Variants in C2CD4B observed in about 807,000 individuals in gnomAD.
C2CD4B encodes the protein C2 calcium-dependent domain-containing protein 4B.
For synonymous variants in C2CD4B, 347 were observed against 284.9 expected, an observed-to-expected ratio of 1.22 and a Z score of -2.20; for missense variants, 644 against 577.7, an observed-to-expected ratio of 1.11 and a Z score of -1.18.
chr15:62,164,443 T>TCGGGGACGCGCAGGAGGCGGCAGCGG lies in C2CD4B; in HGVS notation c.516_541dup (p.Asp181AlafsTer13). On this transcript the variant is annotated frameshift_variant, in exon 2 of 2. Coordinates refer to ENST00000380392, the MANE Select transcript of C2CD4B (RefSeq NM_001007595.3). LOFTEE classifies it low-confidence loss of function (END_TRUNC). Reference sequence around the variant, plus strand: ...CCGCAGCGCGCGACTCAGCAGCCCGTCGGGGACGCGCAGGAGGCGGCAGCG... The same window carrying TCGGGGACGCGCAGGAGGCGGCAGCGG: ...CCGCAGCGCGCGACTCAGCAGCCCGTCGGGGACGCGCAGGAGGCGGCAGCGGCGGGGACGCGCAGGAGGCGGCAGCG... 1 of 1,324,140 alleles carries TCGGGGACGCGCAGGAGGCGGCAGCGG rather than the reference T, an allele frequency of 7.6e-7. No individual in the cohort carries two copies. Among genetic ancestry groups the TCGGGGACGCGCAGGAGGCGGCAGCGG allele is most frequent in the Non-Finnish European group, 9.6e-7 (1 of 1,043,378 alleles). 82.0% of individuals were successfully genotyped at this position (1,324,140 alleles called of 1,614,324 possible).
In C2CD4B at chr15:62,163,960, C is replaced by T. The variant is rs2049579076; in HGVS notation, c.1025G>A (p.Gly342Asp). 1.3e-6 allele frequency: 2 copies of T among 1,588,514 alleles called. No individual in the cohort carries two copies. The highest frequency in any genetic ancestry group is 3.5e-5 in the Admixed American group (2 of 57,812). Residue 342 changes from glycine to aspartate, a missense_variant, in exon 2 of 2, where the codon GGT becomes GAT. By Grantham distance (94) the Gly-to-Asp change is moderately conservative. Transcript: ENST00000380392. ...LAVRVKARDE[G>D]RGRDRGRLLG... Reference sequence around the variant, plus strand: ...CAGGCGGCCCCGATCCCGGCCGCGACCCTCATCCCGGGCCTTGACGCGAAC... The same window carrying T: ...CAGGCGGCCCCGATCCCGGCCGCGATCCTCATCCCGGGCCTTGACGCGAAC...
chr15:62,164,525 G>T lies in C2CD4B; in HGVS notation c.460C>A (p.Pro154Thr), dbSNP rs1596582507. 1.7e-6 allele frequency: 2 copies of T among 1,153,650 alleles called. No homozygotes were observed. The highest frequency in any genetic ancestry group is 4.2e-5 in the South Asian group (1 of 23,704). The allele number at this position is 1,153,650 out of a possible 1,614,324, so 71.5% of individuals were successfully genotyped here. Reference sequence around the variant, plus strand: ...AGGCGGGGACCGCCGGGGGCCGCGGGGGTGGCCGGGCCCGGACCTCGCGGG... The same window carrying T: ...AGGCGGGGACCGCCGGGGGCCGCGGTGGTGGCCGGGCCCGGACCTCGCGGG... ...CGPRGPGPAT[P>T]AAPGGPRLPQ... The change falls in exon 2 of 2, where the codon CCC becomes ACC. Residue 154 changes from proline to threonine, a missense_variant. By Grantham distance (38) the Pro-to-Thr change is conservative. Coordinates refer to ENST00000380392, the MANE Select transcript of C2CD4B (RefSeq NM_001007595.3).
chr15:62,163,770 G>A lies in C2CD4B; in HGVS notation c.*120C>T, dbSNP rs181627633. 4.6e-4 allele frequency: 576 copies of A among 1,258,908 alleles called. 2 individuals are homozygous for A. The highest frequency in any genetic ancestry group is 4.4e-3 in the African/African-American group (279 of 63,778). The allele number at this position is 1,258,908 out of a possible 1,614,324, so 78.0% of individuals were successfully genotyped here. On this transcript the variant is annotated 3_prime_UTR_variant, in exon 2 of 2. Transcript: ENST00000380392. ...GACGATGACAAATGTGGATGGTGAGGAAGTAAAACGTCAATAAAGCAGTAT... is the reference window on the plus strand; with the variant it reads ...GACGATGACAAATGTGGATGGTGAGAAAGTAAAACGTCAATAAAGCAGTAT...
chr15:62,164,115 G>T lies in C2CD4B; in HGVS notation c.870C>A (p.Ser290Arg). Residue 290 changes from serine (S) to arginine (R), a missense_variant, in exon 2 of 2, where the codon AGC (serine) becomes AGA (arginine). Coordinates refer to ENST00000380392, the MANE Select transcript of C2CD4B (RefSeq NM_001007595.3). ...PGPRAVRCRL[S>R]LVLRPPGTAR... ...CAGTGCCCGGCGGCCGCAGGACGAG[G>T]CTGAGGCGGCAGCGGACGGCGCGGG... The T allele has an allele frequency of 6.7e-7, 1 of 1,488,942 alleles. No homozygotes were observed. Among genetic ancestry groups the T allele is most frequent in the Non-Finnish European group, 8.9e-7 (1 of 1,127,376 alleles). 92.2% of individuals were successfully genotyped at this position (1,488,942 alleles called of 1,614,324 possible). A position where few individuals can be genotyped will look rare whatever the true frequency, so the allele number is the denominator to read the frequency against.
In C2CD4B at chr15:62,164,949, T is replaced by A; in HGVS notation, c.36A>T (p.Ala12=). Residue 12 remains alanine (A), a synonymous_variant, in exon 2 of 2, where the codon GCA becomes GCT. Coordinates refer to ENST00000380392, the MANE Select transcript of C2CD4B (RefSeq NM_001007595.3). ...RLLEKLCSSA[A]GSSAPKPAFA... ...AGGCGGGCTTCGGCGCGGAGCTGCC[T>A]GCGGCCGAGGAACAGAGTTTCTCGA... is the stretch of plus-strand genomic sequence containing the variant. The A allele has an allele frequency of 1.3e-6, 2 of 1,530,280 alleles. No homozygotes were observed. The highest frequency in any genetic ancestry group is 1.8e-6 in the Non-Finnish European group (2 of 1,140,520). The allele number at this position is 1,530,280 out of a possible 1,614,324, so 94.8% of individuals were successfully genotyped here. A position where few individuals can be genotyped will look rare whatever the true frequency, so the allele number is the denominator to read the frequency against.
rs1186153898 is a variant in C2CD4B, at chr15:62,164,513, C to T, written c.472G>A (p.Gly158Ser). ...GCGTCCTGGGGCAGGCGGGGACCGC[C>T]GGGGGCCGCGGGGGTGGCCGGGCCC... ...GPGPATPAAP[G>S]GPRLPQDALA... is the part of the protein sequence containing the mutation. Residue 158 changes from glycine (G) to serine (S), a missense_variant, in exon 2 of 2, where the codon GGC (glycine) becomes AGC (serine). By Grantham distance (56) the Gly-to-Ser change is moderately conservative. Coordinates refer to ENST00000380392, the MANE Select transcript of C2CD4B (RefSeq NM_001007595.3). 8.5e-7 allele frequency: 1 copy of T among 1,172,008 alleles called. No individual in the cohort carries two copies. The highest frequency in any genetic ancestry group is 4.2e-5 in the South Asian group (1 of 23,890). 72.6% of individuals were successfully genotyped at this position (1,172,008 alleles called of 1,614,324 possible). A position where few individuals can be genotyped will look rare whatever the true frequency, so the allele number is the denominator to read the frequency against.
At position 62,163,745 on chromosome 15, in the gene C2CD4B, G is replaced by A. The variant is rs2140882856; in HGVS notation, c.*145C>T. On this transcript the variant is annotated 3_prime_UTR_variant, in exon 2 of 2. Transcript: ENST00000380392. ...ATTATCTTTTTCTTCTTTACCAATA[G>A]ACGATGACAAATGTGGATGGTGAGG... 1 of 1,153,318 alleles carries A rather than the reference G, an allele frequency of 8.7e-7. No individual in the cohort carries two copies. Among genetic ancestry groups the A allele is most frequent in the Non-Finnish European group, 1.1e-6 (1 of 881,138 alleles). The allele number at this position is 1,153,318 out of a possible 1,614,324, so 71.4% of individuals were successfully genotyped here.
At position 62,164,191 on chromosome 15, in the gene C2CD4B, A is replaced by G; in HGVS notation, c.794T>C (p.Leu265Pro). The change falls in exon 2 of 2, where the codon CTC (leucine) becomes CCC (proline). Residue 265 changes from leucine to proline, a missense_variant. By Grantham distance (98) the Leu-to-Pro change is moderately conservative (BLOSUM62 -3). Transcript: ENST00000380392. ...AAEYCPGTRR[L>P]RLRLLRAESL... Reference sequence around the variant, plus strand: ...CTCCGCGCGGAGCAGCCGGAGGCGGAGACGCCGGGTTCCCGGACAGTACTC... The same window carrying G: ...CTCCGCGCGGAGCAGCCGGAGGCGGGGACGCCGGGTTCCCGGACAGTACTC... 2.0e-6 allele frequency: 3 copies of G among 1,476,558 alleles called. No homozygotes were observed. The highest frequency in any genetic ancestry group is 2.7e-6 in the Non-Finnish European group (3 of 1,122,656). The allele number at this position is 1,476,558 out of a possible 1,614,324, so 91.5% of individuals were successfully genotyped here. A position where few individuals can be genotyped will look rare whatever the true frequency, so the allele number is the denominator to read the frequency against.
chr15:62,163,980 G>C lies in C2CD4B; in HGVS notation c.1005C>G (p.Arg335=), dbSNP rs1133662. ...CGCGACCCTCATCCCGGGCCTTGAC[G>C]CGAACGGCCAGGCGGCGCACCTCGT... ...SEDEVRRLAV[R]VKARDEGRGR... The change falls in exon 2 of 2, where the codon CGC becomes CGG. Residue 335 remains arginine, a synonymous_variant. Transcript: ENST00000380392. 4 of 1,598,472 alleles carry C rather than the reference G, an allele frequency of 2.5e-6. No homozygotes were observed. The South Asian group carries it at 3.4e-5, about 14-fold the overall frequency.
In C2CD4B at chr15:62,164,527, G is replaced by T; in HGVS notation, c.458C>A (p.Thr153Asn). 8.7e-7 allele frequency: 1 copy of T among 1,153,138 alleles called. No individual in the cohort carries two copies. The highest frequency in any genetic ancestry group is 4.3e-5 in the East Asian group (1 of 23,410). 71.4% of individuals were successfully genotyped at this position (1,153,138 alleles called of 1,614,324 possible). A position where few individuals can be genotyped will look rare whatever the true frequency, so the allele number is the denominator to read the frequency against. Residue 153 changes from threonine to asparagine, a missense_variant, in exon 2 of 2, where the codon ACC becomes AAC. Coordinates refer to ENST00000380392, the MANE Select transcript of C2CD4B (RefSeq NM_001007595.3). ...LCGPRGPGPA[T>N]PAAPGGPRLP... Reference sequence around the variant, plus strand: ...GCGGGGACCGCCGGGGGCCGCGGGGGTGGCCGGGCCCGGACCTCGCGGGCC... The same window carrying T: ...GCGGGGACCGCCGGGGGCCGCGGGGTTGGCCGGGCCCGGACCTCGCGGGCC...
Position 62,163,701 on chromosome 15 carries a change from G to A in C2CD4B, c.*189C>T, listed in dbSNP as rs2049575110. 6 of 830,762 alleles carry A rather than the reference G, an allele frequency of 7.2e-6. No homozygotes were observed. The highest frequency in any genetic ancestry group is 4.0e-4 in the Middle Eastern group (1 of 2,484). The allele number at this position is 830,762 out of a possible 1,614,324, so 51.5% of individuals were successfully genotyped here. On this transcript the variant is annotated 3_prime_UTR_variant, in exon 2 of 2. Transcript: ENST00000380392. Reference sequence around the variant, plus strand: ...GTCTGGAAAGAGATATGGGGGTCCTGTGAACAGAACAGGGAGTCATTATCT... The same window carrying A: ...GTCTGGAAAGAGATATGGGGGTCCTATGAACAGAACAGGGAGTCATTATCT...
At position 62,164,400 on chromosome 15, in the gene C2CD4B, G is replaced by A. The variant is rs2049587845; in HGVS notation, c.585C>T (p.Arg195=). 4.9e-6 allele frequency: 7 copies of A among 1,418,424 alleles called. No homozygotes were observed. The highest frequency in any genetic ancestry group is 2.5e-4 in the Middle Eastern group (1 of 4,024). 87.9% of individuals were successfully genotyped at this position (1,418,424 alleles called of 1,614,324 possible). A position where few individuals can be genotyped will look rare whatever the true frequency, so the allele number is the denominator to read the frequency against. The part of the protein sequence containing the change: ...SRALRAGRSR[R]LARVRSVSSG... ...TGGAGACGGAGCGGACGCGGGCCAG[G>A]CGGCGACTCCTTCCAGCCCGCAGCG... Residue 195 remains arginine, a synonymous_variant, in exon 2 of 2, where the codon CGC becomes CGT. Coordinates refer to ENST00000380392, the MANE Select transcript of C2CD4B (RefSeq NM_001007595.3).
rs749906175 is a variant in C2CD4B, at chr15:62,164,632, C to A, written c.353G>T (p.Gly118Val). ...CCGGGGCCGGGGCGCGGGCGGGCCC[C>A]CGAGCAGGAGCGACTCCTTGCGGCG... ...HTRRKESLLL[G>V]GPPAPRPRAH... The change falls in exon 2 of 2, where the codon GGG (glycine) becomes GTG (valine). Residue 118 changes from glycine to valine, a missense_variant. Coordinates refer to ENST00000380392, the MANE Select transcript of C2CD4B (RefSeq NM_001007595.3). The A allele has an allele frequency of 7.4e-7, 1 of 1,345,204 alleles. No homozygotes were observed. Among genetic ancestry groups the A allele is most frequent in the Non-Finnish European group, 9.5e-7 (1 of 1,050,218 alleles). 83.3% of individuals were successfully genotyped at this position (1,345,204 alleles called of 1,614,324 possible).
At position 62,164,237 on chromosome 15, in the gene C2CD4B, C is replaced by A. The variant is rs767253322; in HGVS notation, c.748G>T (p.Asp250Tyr). The A allele has an allele frequency of 2.1e-6, 3 of 1,456,942 alleles. No homozygotes were observed. In the African/African-American group the frequency reaches 4.4e-5, roughly 22 times the overall value. The allele number at this position is 1,456,942 out of a possible 1,614,324, so 90.3% of individuals were successfully genotyped here. A position where few individuals can be genotyped will look rare whatever the true frequency, so the allele number is the denominator to read the frequency against. The stretch of plus-strand genomic sequence containing the variant: ...TACTCAGCAGCCAGGCGCAGGGCGT[C>A]GCCGGCGCGGCCCAGAGCCACGGTG... ...KGTVALGRAGDALRLAAEYCP... is the reference protein window; with the variant it reads ...KGTVALGRAGYALRLAAEYCP... Residue 250 changes from aspartate to tyrosine, a missense_variant, in exon 2 of 2, where the codon GAC becomes TAC. Physicochemically the swap from Asp to Tyr is radical, Grantham distance 160. Transcript: ENST00000380392.
Position 62,164,138 on chromosome 15 carries a change from G to A in C2CD4B, c.847C>T (p.Arg283Cys), listed in dbSNP as rs1333290619. 6.9e-7 allele frequency: 1 copy of A among 1,452,734 alleles called. No homozygotes were observed. Among genetic ancestry groups the A allele is most frequent in the Non-Finnish European group, 9.0e-7 (1 of 1,113,364 alleles). The allele number at this position is 1,452,734 out of a possible 1,614,324, so 90.0% of individuals were successfully genotyped here. A position where few individuals can be genotyped will look rare whatever the true frequency, so the allele number is the denominator to read the frequency against. ...ESLFGGAPGP[R>C]AVRCRLSLVL... ...AGGCTGAGGCGGCAGCGGACGGCGC[G>A]GGGCCCGGGGGCGCCTCCGAACAGG... is the stretch of plus-strand genomic sequence containing the variant. The change falls in exon 2 of 2, where the codon CGC (arginine) becomes TGC (cysteine). Residue 283 changes from arginine (R) to cysteine (C), a missense_variant. Arg to Cys is a radical substitution (Grantham distance 180). Transcript: ENST00000380392.
Position 62,164,536 on chromosome 15 carries a change from C to A in C2CD4B, c.449G>T (p.Gly150Val). Residue 150 changes from glycine (G) to valine (V), a missense_variant, in exon 2 of 2, where the codon GGC (glycine) becomes GTC (valine). Coordinates refer to ENST00000380392, the MANE Select transcript of C2CD4B (RefSeq NM_001007595.3). ...GCCGGGGGCCGCGGGGGTGGCCGGG[C>A]CCGGACCTCGCGGGCCGCACAGGGT... is the stretch of plus-strand genomic sequence containing the variant. ...LGTLCGPRGP[G>V]PATPAAPGGP... The A allele has an allele frequency of 8.7e-7, 1 of 1,145,074 alleles. No homozygotes were observed. Among genetic ancestry groups the A allele is most frequent in the East Asian group, 4.5e-5 (1 of 22,318 alleles). 70.9% of individuals were successfully genotyped at this position (1,145,074 alleles called of 1,614,324 possible).
chr15:62,163,843 A>AGT lies in C2CD4B; in HGVS notation c.*45_*46dup. ...GTTTATTCTGTACCACGCGGCTGTC[A>AGT]GTGTCCGGAGTCTCCAGGGCAGAGC... On this transcript the variant is annotated 3_prime_UTR_variant, in exon 2 of 2. Coordinates refer to ENST00000380392, the MANE Select transcript of C2CD4B (RefSeq NM_001007595.3). 1 of 1,420,102 alleles carries AGT rather than the reference A, an allele frequency of 7.0e-7. No homozygotes were observed. Among genetic ancestry groups the AGT allele is most frequent in the Non-Finnish European group, 9.1e-7 (1 of 1,093,582 alleles). 88.0% of individuals were successfully genotyped at this position (1,420,102 alleles called of 1,614,324 possible). A position where few individuals can be genotyped will look rare whatever the true frequency, so the allele number is the denominator to read the frequency against.
chr15:62,164,959 G>A lies in C2CD4B; in HGVS notation c.26C>T (p.Ser9Phe). 4 of 1,527,540 alleles carry A rather than the reference G, an allele frequency of 2.6e-6. No individual in the cohort carries two copies. The highest frequency in any genetic ancestry group is 1.2e-5 in the South Asian group (1 of 83,130). 94.6% of individuals were successfully genotyped at this position (1,527,540 alleles called of 1,614,324 possible). Reference protein sequence around the residue: MRLLEKLCSSAAGSSAPKP... With the variant: MRLLEKLCFSAAGSSAPKP... ...CGGCGCGGAGCTGCCTGCGGCCGAG[G>A]AACAGAGTTTCTCGAGGAGCCGCAT... is the stretch of plus-strand genomic sequence containing the variant. Residue 9 changes from serine to phenylalanine, a missense_variant, in exon 2 of 2, where the codon TCC becomes TTC. By Grantham distance (155) the Ser-to-Phe change is radical (BLOSUM62 -2). Transcript: ENST00000380392.
chr15:62,164,772 C>T lies in C2CD4B; in HGVS notation c.213G>A (p.Glu71=), dbSNP rs2049596721. ...ESDLWPRAAD[E]DAGRTDWDPR... ...GGTCCCAGTCCGTGCGGCCGGCGTCCTCGTCTGCCGCGCGGGGCCACAGGT... is the reference window on the plus strand; with the variant it reads ...GGTCCCAGTCCGTGCGGCCGGCGTCTTCGTCTGCCGCGCGGGGCCACAGGT... The change falls in exon 2 of 2, where the codon GAG becomes GAA. Residue 71 remains glutamate (E), a synonymous_variant. Coordinates refer to ENST00000380392, the MANE Select transcript of C2CD4B (RefSeq NM_001007595.3). 1.3e-6 allele frequency: 2 copies of T among 1,482,912 alleles called. No individual in the cohort carries two copies. The highest frequency in any genetic ancestry group is 1.5e-5 in the African/African-American group (1 of 68,144). 91.9% of individuals were successfully genotyped at this position (1,482,912 alleles called of 1,614,324 possible). A position where few individuals can be genotyped will look rare whatever the true frequency, so the allele number is the denominator to read the frequency against.
Sources: allele counts gnomAD v4.1 joint callset, GRCh38; gene constraint gnomAD v4.1.1; transcripts MANE v1.5; gene names NCBI Gene and HGNC (gene_info 2026-07-23, HGNC 2026-07-21).